Variants in NCKAP5 observed in about 807,000 individuals in gnomAD.
NCKAP5 encodes the protein nck-associated protein 5.
NCKAP5 carries 92 observed loss-of-function variants against 167.0 expected under a neutral mutation model. The observed-to-expected ratio is 0.55, with a 90% confidence interval of 0.47 to 0.66. The LOEUF is 0.66. NCKAP5 is among the 30% of genes least tolerant of loss of function. The probability of loss-of-function intolerance (pLI) is 0.00; values close to 1 mark genes in which losing one functional copy is unlikely to be tolerated. For synonymous variants in NCKAP5, 891 were observed against 877.4 expected (o/e 1.02, Z -0.27); for missense variants, 2,378 against 2,315.0 (o/e 1.03, Z -0.56).
At chr2:133,196,946 T>C (rs1204554191) in intron 5 of NCKAP5, among the ~76,000 whole-genome samples, 3 of 152,192 alleles carry the variant, frequency 2.0e-5, no homozygotes, top group African/African-American at 4.8e-5. Context: ...GGGGACCTTG[T>C]TCCTTCCCAG....
At chr2:132,806,439 G>GT (rs143564148) in intron 11 of NCKAP5, among the ~76,000 whole-genome samples, 73 of 149,440 alleles carry the variant, frequency 4.9e-4, no homozygotes, top group Admixed American at 7.3e-4. Context: ...GACATCTCCT[G>GT]TTTTTTTTTC....
At chr2:133,465,358 A>T (rs1575002656) in intron 3 of NCKAP5, among the ~76,000 whole-genome samples, 2 of 151,934 alleles carry the variant, frequency 1.3e-5, no homozygotes, top group East Asian at 3.9e-4. Context: ...TTATGGCTGC[A>T]TAGTATTCCA....
chr2:133,209,817 T>C (rs1296849881), intron 5 of NCKAP5, among the ~76,000 whole-genome samples: 1 of 152,100 alleles, frequency 6.6e-6, no homozygotes, highest in Non-Finnish European at 1.5e-5. Context: ...GGTAGGCAGG[T>C]GTGTAACTTT....
the NCKAP5 span, among the ~76,000 whole-genome samples, chr2:133,665,797 C>T: frequency 1.3e-5 from 2 of 152,200 alleles, no homozygotes; most frequent in African/African-American, 4.8e-5. Flanking sequence ...AAACTGTTAA[C>T]ATTCATTTTC....
At chr2:132,829,478 A>G (rs1687368719) in intron 11 of NCKAP5, among the ~76,000 whole-genome samples, 1 of 152,228 alleles carries the variant, frequency 6.6e-6, no homozygotes, top group South Asian at 2.1e-4. Flanking sequence ...ATTGAAATAC[A>G]GTCACACTCA....
At chr2:133,475,779 T>C (rs1461521484) in intron 3 of NCKAP5, among the ~76,000 whole-genome samples, 1 of 152,212 alleles carries the variant, frequency 6.6e-6, no homozygotes, top group African/African-American at 2.4e-5. Context: ...AACCTGTCTT[T>C]CAAGAGAAAA....
the NCKAP5 span, among the ~76,000 whole-genome samples, chr2:133,639,745 C>A: frequency 6.6e-6 from 1 of 152,156 alleles, no homozygotes; most frequent in South Asian, 2.1e-4. Flanking sequence ...AAAGGCTGTG[C>A]AGACCATCCA....
the NCKAP5 span, among the ~76,000 whole-genome samples, chr2:133,603,266 G>A: frequency 7.6e-6 from 1 of 131,038 alleles, no homozygotes; most frequent in African/African-American, 3.1e-5. Context: ...CACTCTTGTT[G>A]CCCAGGCTGA....
rs932198146 is a variant in NCKAP5, at chr2:132,952,905, T to G, written c.579+10815A>C. 3.3e-5 allele frequency among the ~76,000 whole-genome samples: 5 copies of G among 152,214 alleles called. No individual in the cohort carries two copies. The South Asian group carries it at 8.3e-4, about 25-fold the overall frequency. On this transcript the variant is annotated intron_variant, in intron 8 of 19. Coordinates refer to ENST00000409261, the MANE Select transcript of NCKAP5 (RefSeq NM_207363.3). ...TTTGTTTGGGCATGTGATTTGATGC[T>G]CTACAGATGGATTGAAGCACCACGA... is the stretch of plus-strand genomic sequence containing the variant.
intron 5 of NCKAP5, 124 bp from the exon 6 acceptor site, chr2:133,130,235 G>C: frequency 9.7e-7 from 1 of 1,033,648 alleles, no homozygotes; most frequent in Non-Finnish European, 1.4e-6. Flanking sequence ...ACAACCCCAC[G>C]AAGTAGGTCC....
chr2:133,347,879 A>G (rs1269123183), intron 3 of NCKAP5, among the ~76,000 whole-genome samples: 1 of 152,252 alleles, frequency 6.6e-6, no homozygotes, highest in East Asian at 1.9e-4. Context: ...ACCAGAAGAT[A>G]GAGTCCTTCT....
At chr2:133,166,008 T>C (rs557579799) in intron 5 of NCKAP5, among the ~76,000 whole-genome samples, 4 of 152,294 alleles carry the variant, frequency 2.6e-5, no homozygotes, top group East Asian at 1.9e-4. Flanking sequence ...GGATGAAAAG[T>C]ATGTGGTCTT....
intron 6 of NCKAP5, among the ~76,000 whole-genome samples, chr2:133,015,315 C>T (rs2078292224): frequency 6.6e-6 from 1 of 151,994 alleles, no homozygotes; most frequent in East Asian, 1.9e-4. Context: ...TAAAGAAGAC[C>T]TCTTCAAGAG....
intron 3 of NCKAP5, among the ~76,000 whole-genome samples, chr2:133,513,864 T>C (rs753140313): frequency 1.3e-5 from 2 of 152,206 alleles, no homozygotes; most frequent in Admixed American, 1.3e-4. Flanking sequence ...AGAGAATGTT[T>C]GTTACTTAAA....
intron 3 of NCKAP5, among the ~76,000 whole-genome samples, chr2:133,444,403 GATAGATA>G (rs1691063596): frequency 9.5e-6 from 1 of 105,276 alleles, no homozygotes; most frequent in Non-Finnish European, 2.0e-5. Flanking sequence ...TAGATAGATA[GATAGATA>G]TAGATATAGA....
intron 6 of NCKAP5, among the ~76,000 whole-genome samples, chr2:133,124,857 G>A (rs1013556467): frequency 6.6e-6 from 1 of 152,114 alleles, no homozygotes; most frequent in Non-Finnish European, 1.5e-5. Flanking sequence ...AGACCAGCCT[G>A]GGCAACATGG....
the NCKAP5 span, among the ~76,000 whole-genome samples, chr2:133,663,272 CA>C: frequency 0.38 from 37,136 of 98,102 alleles, 4,297 homozygotes; most frequent in East Asian, 0.51. Context: ...GACTCCGTCT[CA>C]AAAAAAAAAA....
intron 8 of NCKAP5, among the ~76,000 whole-genome samples, chr2:132,945,518 G>A (rs1697651664): frequency 6.6e-6 from 1 of 151,954 alleles, no homozygotes; most frequent in Non-Finnish European, 1.5e-5. Context: ...ACGAATCGAT[G>A]GAAGTCATAT....
intron 3 of NCKAP5, among the ~76,000 whole-genome samples, chr2:133,394,127 A>G (rs569149229): frequency 1.3e-5 from 2 of 152,226 alleles, no homozygotes; most frequent in Non-Finnish European, 2.9e-5. Flanking sequence ...CAATAAAATG[A>G]TTTGGTAAAT....
Sources: allele counts gnomAD v4.1 joint callset (sites outside exome capture counted in the v4.1 genomes callset), GRCh38; gene constraint gnomAD v4.1.1; transcripts MANE v1.5; gene names NCBI Gene and HGNC (gene_info 2026-07-23, HGNC 2026-07-21).